KCND2: variants seen among roughly 807,000 people sequenced by gnomAD.
KCND2 encodes the protein A-type voltage-gated potassium channel KCND2.
KCND2 carries 16 observed loss-of-function variants against 54.4 expected under a neutral mutation model. The observed-to-expected ratio is 0.29, with a 90% CI of 0.20 to 0.45. The LOEUF (loss-of-function observed/expected upper bound fraction) is 0.45. Among genes scored for constraint, KCND2 ranks in the 20% least tolerant of loss-of-function variants. KCND2 has a pLI of 1.00. For synonymous variants in KCND2, 317 were observed against 310.7 expected (o/e 1.02, Z -0.21); for missense variants, 486 against 824.2 (o/e 0.59, Z 5.02).
intron 1 of KCND2, among the ~76,000 whole-genome samples, chr7:120,581,615 G>A (rs1239220986): frequency 2.0e-5 from 3 of 152,132 alleles, no homozygotes; most frequent in Admixed American, 6.6e-5. Flanking sequence ...CTTTACAGAT[G>A]AAAAATGTAG....
chr7:120,608,718 T>C (rs1051716022), intron 1 of KCND2, among the ~76,000 whole-genome samples: 2 of 152,102 alleles, frequency 1.3e-5, no homozygotes, highest in Admixed American at 6.6e-5. Context: ...ATAGTAATCA[T>C]TGACAGTTAA....
At chr7:120,342,797 C>T (rs1800259765) in intron 1 of KCND2, among the ~76,000 whole-genome samples, 1 of 152,040 alleles carries the variant, frequency 6.6e-6, no homozygotes, top group Non-Finnish European at 1.5e-5. Context: ...TGCACATTTT[C>T]TATTAAACAA....
At chr7:120,478,005 T>C (rs1802554388) in intron 1 of KCND2, among the ~76,000 whole-genome samples, 1 of 152,222 alleles carries the variant, frequency 6.6e-6, no homozygotes, top group Admixed American at 6.5e-5. Context: ...CTATCCATTA[T>C]ATTTGAATGC....
At chr7:120,498,974 A>G (rs1161046869) in intron 1 of KCND2, among the ~76,000 whole-genome samples, 1 of 152,120 alleles carries the variant, frequency 6.6e-6, no homozygotes, top group African/African-American at 2.4e-5. Context: ...TATAAGTAAA[A>G]TATTAATATA....
chr7:120,495,646 A>G (rs1171526992), intron 1 of KCND2, among the ~76,000 whole-genome samples: 1 of 152,184 alleles, frequency 6.6e-6, no homozygotes, highest in Non-Finnish European at 1.5e-5. Flanking sequence ...CCTAAATTTC[A>G]TAGACTAAAA....
chr7:120,365,636 C>T (rs1259881988), intron 1 of KCND2, among the ~76,000 whole-genome samples: 1 of 151,986 alleles, frequency 6.6e-6, no homozygotes, highest in African/African-American at 2.4e-5. Context: ...GGAATGAATG[C>T]AGAAATAAGA....
At chr7:120,436,389 C>A (rs990892396) in intron 1 of KCND2, among the ~76,000 whole-genome samples, 3 of 152,124 alleles carry the variant, frequency 2.0e-5, no homozygotes, top group Non-Finnish European at 4.4e-5. Flanking sequence ...CTGTGTTATG[C>A]AAATATAATC....
intron 1 of KCND2, among the ~76,000 whole-genome samples, chr7:120,670,915 C>CAAAAAAA (rs201567194): frequency 8.6e-5 from 8 of 93,378 alleles, no homozygotes; most frequent in African/African-American, 3.4e-4. Flanking sequence ...GGCTCCGTCT[C>CAAAAAAA]AAAAAAAAAA....
chr7:120,651,509 CT>C (rs773015732), intron 1 of KCND2, among the ~76,000 whole-genome samples: 41 of 152,182 alleles, frequency 2.7e-4, no homozygotes, highest in Non-Finnish European at 4.3e-4. Flanking sequence ...CCAGGTCCCA[CT>C]TGTCACAGCT....
intron 1 of KCND2, among the ~76,000 whole-genome samples, chr7:120,312,598 CAAAAATTCATACAT>C (rs1799754055): frequency 1.3e-5 from 2 of 152,096 alleles, no homozygotes; most frequent in African/African-American, 4.8e-5. Context: ...GCTATGGCGA[CAAAAATTCATACAT>C]TCAGCCTCAA....
At chr7:120,461,188 T>C (rs966204328) in intron 1 of KCND2, among the ~76,000 whole-genome samples, 2 of 152,136 alleles carry the variant, frequency 1.3e-5, no homozygotes, top group African/African-American at 4.8e-5. Context: ...AGGTTTCTGT[T>C]GCAGCTCAGC....
At chr7:120,621,594 T>G (rs114315745) in intron 1 of KCND2, among the ~76,000 whole-genome samples, 4,118 of 152,286 alleles carry the variant, frequency 0.027, 159 homozygotes, top group African/African-American at 0.086. Context: ...TAAGATCTAC[T>G]GATTATTACA....
intron 1 of KCND2, among the ~76,000 whole-genome samples, chr7:120,532,140 C>G (rs1278758216): frequency 1.3e-5 from 2 of 151,982 alleles, no homozygotes; most frequent in African/African-American, 2.4e-5. Context: ...TGCAATAATT[C>G]TAATGTCAAT....
chr7:120,645,722 A>G (rs558252782), intron 1 of KCND2, among the ~76,000 whole-genome samples: 1 of 152,344 alleles, frequency 6.6e-6, no homozygotes, highest in South Asian at 2.1e-4. Context: ...GACACGTGAC[A>G]AGTGGCATAC....
At chr7:120,585,413 G>A (rs762493605) in intron 1 of KCND2, among the ~76,000 whole-genome samples, 1 of 152,142 alleles carries the variant, frequency 6.6e-6, no homozygotes, top group Non-Finnish European at 1.5e-5. Context: ...TTAAGCAGAT[G>A]AGAAAAGGGA....
chr7:120,632,009 C>A (rs955803135), intron 1 of KCND2, among the ~76,000 whole-genome samples: 3 of 152,066 alleles, frequency 2.0e-5, no homozygotes, highest in Non-Finnish European at 4.4e-5. Flanking sequence ...GGACTCCCAA[C>A]CCGATTTTAG....
At chr7:120,678,928 GGTAACA>G (rs1285433781) in intron 1 of KCND2, among the ~76,000 whole-genome samples, 1 of 151,186 alleles carries the variant, frequency 6.6e-6, no homozygotes, top group East Asian at 1.9e-4. Context: ...ATACTTGTAA[GGTAACA>G]GTACTTTCTA....
chr7:120,524,833 C>A (rs948619022), intron 1 of KCND2, among the ~76,000 whole-genome samples: 4 of 152,142 alleles, frequency 2.6e-5, no homozygotes, highest in African/African-American at 9.7e-5. Context: ...TACCAAACAT[C>A]TCAAAGGAAA....
At chr7:120,650,479 G>A (rs1466047382) in intron 1 of KCND2, among the ~76,000 whole-genome samples, 2 of 142,776 alleles carry the variant, frequency 1.4e-5, no homozygotes, top group Non-Finnish European at 3.0e-5. Flanking sequence ...GTCATTTAAG[G>A]ACTTCTCTAC....
Sources: allele counts gnomAD v4.1 joint callset (sites outside exome capture counted in the v4.1 genomes callset), GRCh38; gene constraint gnomAD v4.1.1; transcripts MANE v1.5; gene names NCBI Gene and HGNC (gene_info 2026-07-23, HGNC 2026-07-21).